The following CSMD1 variants were observed in gnomAD, a reference collection of about 807,000 sequenced individuals.
CSMD1 encodes CUB and Sushi multiple domains 1.
In CSMD1, 213 loss-of-function variants were observed where a neutral mutation model predicts 417.5. The observed-to-expected ratio is 0.51, with a 90% CI of 0.46 to 0.57. The LOEUF is 0.57. Among genes scored for constraint, CSMD1 ranks in the 20% least tolerant of loss-of-function variants. The pLI is 0.00. For synonymous variants in CSMD1, 2,862 were observed against 1,736.8 expected (o/e 1.65, Z -16.11); for missense variants, 6,923 against 4,529.7 (o/e 1.53, Z -15.17).
chr8:4,785,631 G>A (rs904896413), intron 1 of CSMD1, among the ~76,000 whole-genome samples: 6 of 150,674 alleles, frequency 4.0e-5, no homozygotes, highest in Non-Finnish European at 7.4e-5. Context: ...CTCACACACA[G>A]ACTCAGAGTC....
intron 6 of CSMD1, among the ~76,000 whole-genome samples, chr8:3,744,068 G>C (rs894615698): frequency 7.9e-5 from 12 of 152,170 alleles, no homozygotes; most frequent in African/African-American, 2.4e-4. Context: ...CTTCCGAGAA[G>C]GACATAGACC....
At chr8:4,272,149 G>C (rs762826939) in intron 3 of CSMD1, among the ~76,000 whole-genome samples, 2 of 152,090 alleles carry the variant, frequency 1.3e-5, no homozygotes, top group Non-Finnish European at 2.9e-5. Flanking sequence ...AGTCTTACTA[G>C]ATTAATCTCA....
At chr8:3,384,053 C>A (rs1318319889) in intron 18 of CSMD1, among the ~76,000 whole-genome samples, 2 of 152,064 alleles carry the variant, frequency 1.3e-5, no homozygotes, top group South Asian at 2.1e-4. Context: ...GAGGCAGTGA[C>A]TGGGCGAGGC....
intron 3 of CSMD1, among the ~76,000 whole-genome samples, chr8:4,294,594 G>C (rs370010069): frequency 2.0e-5 from 3 of 152,108 alleles, no homozygotes; most frequent in Non-Finnish European, 4.4e-5. Flanking sequence ...CAGAAACCAG[G>C]TCTAAGGACT....
chr8:2,953,063 G>C (rs538328759), intron 65 of CSMD1, among the ~76,000 whole-genome samples: 1 of 152,228 alleles, frequency 6.6e-6, no homozygotes, highest in Admixed American at 6.5e-5. Context: ...CAAAAGGAGT[G>C]TATAGATATT....
chr8:4,370,640 A>G (rs1035348134), intron 3 of CSMD1, among the ~76,000 whole-genome samples: 1 of 152,148 alleles, frequency 6.6e-6, no homozygotes, highest in Non-Finnish European at 1.5e-5. Context: ...TTAAAAATTC[A>G]TTTTTAATTT....
chr8:4,790,410 G>T (rs1369627249), intron 1 of CSMD1, among the ~76,000 whole-genome samples: 1 of 152,088 alleles, frequency 6.6e-6, no homozygotes, highest in African/African-American at 2.4e-5. Flanking sequence ...ACTTCCCAGA[G>T]CAATTTACAG....
intron 26 of CSMD1, among the ~76,000 whole-genome samples, chr8:3,231,640 G>A (rs1008188130): frequency 2.6e-5 from 4 of 152,120 alleles, no homozygotes; most frequent in Admixed American, 2.6e-4. Context: ...TAATAGGGGT[G>A]GCAATGAACA....
intron 1 of CSMD1, among the ~76,000 whole-genome samples, chr8:4,742,953 C>T (rs530905805): frequency 6.6e-6 from 1 of 152,112 alleles, no homozygotes; most frequent in African/African-American, 2.4e-5. Flanking sequence ...ACCAAAAGTG[C>T]ATTATCTACA....
intron 3 of CSMD1, among the ~76,000 whole-genome samples, chr8:4,167,404 A>G (rs190531002): frequency 1.5e-3 from 234 of 152,326 alleles, no homozygotes; most frequent in Non-Finnish European, 2.9e-3. Flanking sequence ...CATAGGCTAA[A>G]GTGTTCATGT....
chr8:4,025,992 G>A (rs1277546596), intron 4 of CSMD1, among the ~76,000 whole-genome samples: 1 of 147,216 alleles, frequency 6.8e-6, no homozygotes, highest in Non-Finnish European at 1.5e-5. Flanking sequence ...AGACAGTCAT[G>A]CTACTGTTAG....
chr8:3,712,574 TG>T (rs2129041566), intron 6 of CSMD1, among the ~76,000 whole-genome samples: 1 of 152,328 alleles, frequency 6.6e-6, no homozygotes, highest in East Asian at 1.9e-4. Flanking sequence ...TTCGAATGAA[TG>T]ATAAAAATAT....
At chr8:3,937,835 T>A (rs987701557) in intron 5 of CSMD1, among the ~76,000 whole-genome samples, 2 of 152,182 alleles carry the variant, frequency 1.3e-5, no homozygotes, top group Non-Finnish European at 2.9e-5. Flanking sequence ...TTTTATGATT[T>A]AAAGTTTATA....
intron 45 of CSMD1, 169 bp from the exon 46 acceptor site, chr8:3,106,810 T>G (rs999624016): frequency 8.3e-6 from 4 of 483,720 alleles, no homozygotes; most frequent in African/African-American, 7.8e-5. Flanking sequence ...TTTTAAGTTC[T>G]TAATTTATAA....
chr8:4,110,129 T>C (rs189933392), intron 3 of CSMD1, among the ~76,000 whole-genome samples: 1 of 152,226 alleles, frequency 6.6e-6, no homozygotes, highest in East Asian at 1.9e-4. Flanking sequence ...GAAAAGTGTC[T>C]TAGAATAATA....
At chr8:3,535,704 G>A (rs924767747) in intron 10 of CSMD1, among the ~76,000 whole-genome samples, 3 of 152,176 alleles carry the variant, frequency 2.0e-5, no homozygotes, top group African/African-American at 7.2e-5. Context: ...ACCCCTCATT[G>A]CTTTTTTGTT....
chr8:3,768,705 G>A (rs58687956), intron 5 of CSMD1, among the ~76,000 whole-genome samples: 2,446 of 152,266 alleles, frequency 0.016, 52 homozygotes, highest in African/African-American at 0.056. Context: ...GTCTAGCAAA[G>A]TTATGTAATT....
chr8:3,794,602 C>T (rs574468313), intron 5 of CSMD1, among the ~76,000 whole-genome samples: 3 of 135,806 alleles, frequency 2.2e-5, no homozygotes, highest in South Asian at 5.1e-4. Context: ...ATTTTTTTCT[C>T]GATATATTAA....
intron 4 of CSMD1, among the ~76,000 whole-genome samples, chr8:4,026,541 A>G (rs1305161048): frequency 6.6e-6 from 1 of 152,220 alleles, no homozygotes; most frequent in Admixed American, 6.5e-5. Context: ...TAAACAATGA[A>G]GGAAAATACT....
Sources: allele counts gnomAD v4.1 joint callset (sites outside exome capture counted in the v4.1 genomes callset), GRCh38; gene constraint gnomAD v4.1.1; transcripts MANE v1.5; gene names NCBI Gene and HGNC (gene_info 2026-07-23, HGNC 2026-07-21).